RPGRIP1: variants seen among roughly 807,000 people sequenced by gnomAD.
RPGRIP1 encodes RPGR interacting protein 1, also known as X-linked retinitis pigmentosa GTPase regulator-interacting protein 1.
In RPGRIP1, 128 loss-of-function variants were observed where a neutral mutation model predicts 157.9. The observed-to-expected ratio is 0.81, with a 90% CI of 0.70 to 0.94. The LOEUF (loss-of-function observed/expected upper bound fraction) is 0.94, where lower values mean the gene tolerates loss of function less well. Among genes scored for constraint, RPGRIP1 ranks in the 40% least tolerant of loss-of-function variants. RPGRIP1 has a pLI of 0.00. For synonymous variants in RPGRIP1, 554 were observed against 571.6 expected, an observed-to-expected ratio of 0.97 and a Z score of 0.44; for missense variants, 1,486 against 1,545.8, an observed-to-expected ratio of 0.96 and a Z score of 0.65.
At chr14:21,347,880 C>A (rs972962921) in intron 23 of RPGRIP1, among the ~76,000 whole-genome samples, 12 of 152,122 alleles carry the variant, frequency 7.9e-5, no homozygotes, top group Admixed American at 2.0e-4. Flanking sequence ...TGTGTGCCAC[C>A]ATGCCCGGCT....
intron 3 of RPGRIP1, among the ~76,000 whole-genome samples, chr14:21,297,041 GC>G (rs1427883981): frequency 6.6e-6 from 1 of 151,914 alleles, no homozygotes; most frequent in Admixed American, 6.6e-5. Context: ...TAAATAAGTT[GC>G]CTGAGATCAT....
In RPGRIP1 at chr14:21,330,277, C is replaced by T; in HGVS notation, c.3128C>T (p.Ser1043Leu). The part of the protein sequence containing the change: ...EQVNYTEWKF[S>L]ETNSFIGDGF... ...GTGAATTACACTGAGTGGAAGTTCT[C>T]AGAGACTAACAGCTTCATAGGTGAT... Residue 1043 changes from serine (S) to leucine (L), a missense_variant, in exon 20 of 25, where the codon TCA (serine) becomes TTA (leucine). Coordinates refer to ENST00000400017, the MANE Select transcript of RPGRIP1 (RefSeq NM_020366.4). 1 of 1,574,104 alleles carries T rather than the reference C, an allele frequency of 6.4e-7. No individual in the cohort carries two copies. Among genetic ancestry groups the T allele is most frequent in the Admixed American group, 1.9e-5 (1 of 53,050 alleles).
Position 21,307,838 on chromosome 14 carries a change from T to C in RPGRIP1, c.906+2T>C. 1 of 1,519,298 alleles carries C rather than the reference T, an allele frequency of 6.6e-7. No individual in the cohort carries two copies. Among genetic ancestry groups the C allele is most frequent in the Non-Finnish European group, 8.9e-7 (1 of 1,122,296 alleles). 94.1% of individuals were successfully genotyped at this position (1,519,298 alleles called of 1,614,324 possible). ...GCACAATTAACAGAAGTTCAAGAGG[T>C]GAGTTGCCATCATCAGCTGTGCTTT... On this transcript the variant is annotated splice_donor_variant, in intron 7 of 24. Coordinates refer to ENST00000400017, the MANE Select transcript of RPGRIP1 (RefSeq NM_020366.4). LOFTEE classifies it high-confidence loss of function.
At chr14:21,300,943 C>T (rs767371047) in intron 3 of RPGRIP1, 23 bp from the exon 4 acceptor site, 2 of 1,607,178 alleles carry the variant, frequency 1.2e-6, no homozygotes, top group Non-Finnish European at 1.7e-6. Context: ...AAAGGAGAAG[C>T]CACGTGCTCT....
At chr14:21,349,059 C>T (rs900057527) in intron 24 of RPGRIP1, among the ~76,000 whole-genome samples, 1 of 136,238 alleles carries the variant, frequency 7.3e-6, no homozygotes, top group African/African-American at 2.7e-5. Context: ...CTATGCTCTC[C>T]TTACTACAAT....
intron 10 of RPGRIP1, among the ~76,000 whole-genome samples, chr14:21,315,994 G>A (rs1308253685): frequency 4.6e-5 from 2 of 43,478 alleles, no homozygotes; most frequent in African/African-American, 1.9e-4. Flanking sequence ...TTTTTTTTTT[G>A]AGACAAAGTC....
chr14:21,304,444 A>AAAGAAATT (rs1881210255), intron 6 of RPGRIP1, among the ~76,000 whole-genome samples: 1 of 144,420 alleles, frequency 6.9e-6, no homozygotes, highest in South Asian at 2.2e-4. Context: ...AGAAAGAAAG[A>AAAGAAATT]AATTAACCTA....
At chr14:21,316,093 T>C (rs1275785017) in intron 10 of RPGRIP1, among the ~76,000 whole-genome samples, 1 of 149,952 alleles carries the variant, frequency 6.7e-6, no homozygotes, top group African/African-American at 2.5e-5. Context: ...TTCTTCTGCC[T>C]CAGCCTCCTG....
At chr14:21,290,661 A>C (rs1384603569) in intron 2 of RPGRIP1, among the ~76,000 whole-genome samples, 2 of 151,462 alleles carry the variant, frequency 1.3e-5, no homozygotes, top group African/African-American at 4.8e-5. Flanking sequence ...TAAAAAATAC[A>C]AAAAAAAATT....
intron 17 of RPGRIP1, 114 bp downstream of exon 17, chr14:21,326,287 A>T (rs1241726558): frequency 1.5e-6 from 1 of 685,628 alleles, no homozygotes; most frequent in Non-Finnish European, 2.4e-6. Flanking sequence ...AAACCTGAAG[A>T]TAAAGGATTT....
chr14:21,344,599 C>G (rs1885371887), intron 22 of RPGRIP1, among the ~76,000 whole-genome samples: 2 of 152,126 alleles, frequency 1.3e-5, no homozygotes, highest in Admixed American at 6.6e-5. Context: ...TGCATGAAAT[C>G]TTTTTTTCCT....
chr14:21,321,909 A>G lies in RPGRIP1; in HGVS notation c.1667A>G (p.Glu556Gly), dbSNP rs1419447002. 1 of 1,613,684 alleles carries G rather than the reference A, an allele frequency of 6.2e-7. No homozygotes were observed. Among genetic ancestry groups the G allele is most frequent in the East Asian group, 2.2e-5 (1 of 44,880 alleles). ...GACAATGATAATAGAGATCACAAAGAAAAGCTGGAGAGGTTGACTCGACTA... is the reference window on the plus strand; with the variant it reads ...GACAATGATAATAGAGATCACAAAGGAAAGCTGGAGAGGTTGACTCGACTA... ...KADNDNRDHK[E>G]KLERLTRLLD... The change falls in exon 14 of 25, where the codon GAA (glutamate) becomes GGA (glycine). Residue 556 changes from glutamate to glycine, a missense_variant. By Grantham distance (98) the Glu-to-Gly change is moderately conservative. Transcript: ENST00000400017.
intron 4 of RPGRIP1, among the ~76,000 whole-genome samples, chr14:21,302,015 C>T (rs1380226117): frequency 6.6e-6 from 1 of 152,120 alleles, no homozygotes; most frequent in Admixed American, 6.6e-5. Flanking sequence ...TCATTAAGTA[C>T]TCTTATTTTA....
chr14:21,326,769 C>G (rs1313503412), intron 17 of RPGRIP1, among the ~76,000 whole-genome samples: 2 of 152,146 alleles, frequency 1.3e-5, no homozygotes, highest in African/African-American at 4.8e-5. Flanking sequence ...TGATTATAAA[C>G]TGAGACCTTA....
chr14:21,319,422 C>T (rs933183191), intron 11 of RPGRIP1, among the ~76,000 whole-genome samples: 3 of 152,066 alleles, frequency 2.0e-5, no homozygotes, highest in East Asian at 1.9e-4. Context: ...ATTAGCCAGT[C>T]GTAGTGTCGT....
intron 20 of RPGRIP1, among the ~76,000 whole-genome samples, chr14:21,332,118 T>C (rs1356471947): frequency 6.6e-6 from 1 of 151,908 alleles, no homozygotes; most frequent in Non-Finnish European, 1.5e-5. Flanking sequence ...TTTGTATTTT[T>C]AGTAGAGACT....
intron 20 of RPGRIP1, among the ~76,000 whole-genome samples, chr14:21,330,943 T>C (rs1231265113): frequency 6.6e-6 from 1 of 151,904 alleles, no homozygotes; most frequent in Non-Finnish European, 1.5e-5. Context: ...GGAGTCTCAT[T>C]CTGTCTCCCA....
intron 2 of RPGRIP1, among the ~76,000 whole-genome samples, chr14:21,292,290 A>G (rs1406493007): frequency 6.6e-6 from 1 of 150,614 alleles, no homozygotes; most frequent in Non-Finnish European, 1.5e-5. Flanking sequence ...TAGCAACATT[A>G]TTTTGCAGGT....
At chr14:21,288,531 A>G (rs1354802064) in intron 2 of RPGRIP1, among the ~76,000 whole-genome samples, 1 of 141,958 alleles carries the variant, frequency 7.0e-6, no homozygotes, top group African/African-American at 2.6e-5. Context: ...TTTTTTTGAG[A>G]TGGAGTTTCA....
Sources: gnomAD v4.1 joint callset for allele counts (sites outside exome capture counted in the v4.1 genomes callset) on GRCh38, gnomAD v4.1.1 for gene constraint, MANE v1.5 for transcripts, NCBI Gene and HGNC (gene_info 2026-07-23, HGNC 2026-07-21) for gene names.